Variants in CPNE4 observed in about 807,000 individuals in gnomAD.
CPNE4 encodes the protein copine-4.
A neutral mutation model predicts 67.9 loss-of-function variants in CPNE4; 25 were observed. That is an observed-to-expected ratio of 0.37 (90% CI 0.27 to 0.51). The LOEUF is 0.51. CPNE4 is among the 20% of genes least tolerant of loss of function. CPNE4 has a pLI of 0.93. For missense variants in CPNE4, 464 were observed against 690.8 expected, an observed-to-expected ratio of 0.67 and a Z score of 3.68; for synonymous variants, 242 against 244.9, an observed-to-expected ratio of 0.99 and a Z score of 0.11.
intron 2 of CPNE4, among the ~76,000 whole-genome samples, chr3:131,901,095 G>A (rs192631850): frequency 2.6e-4 from 39 of 152,158 alleles, no homozygotes; most frequent in African/African-American, 8.7e-4. Context: ...ACACACTCAC[G>A]AGCTTGATTC....
chr3:132,000,925 T>C (rs1583580772), intron 1 of CPNE4, among the ~76,000 whole-genome samples: 1 of 151,648 alleles, frequency 6.6e-6, no homozygotes, highest in African/African-American at 2.4e-5. Flanking sequence ...TCGTGTGGGC[T>C]GTGTACTAGA....
intron 7 of CPNE4, among the ~76,000 whole-genome samples, chr3:131,632,807 C>T (rs6766602): frequency 0.27 from 41,619 of 151,832 alleles, 9,399 homozygotes; most frequent in African/African-American, 0.62. Context: ...GTTAACATTT[C>T]GGTCCTATAA....
chr3:131,724,747 C>G lies in CPNE4; in HGVS notation c.181-1122G>C, dbSNP rs2081964666. Among the ~76,000 whole-genome samples, 4 of 152,120 alleles carry G rather than the reference C, an allele frequency of 2.6e-5. 1 individual carries two copies. Among genetic ancestry groups the G allele is most frequent in the Admixed American group, 2.0e-4 (3 of 15,256 alleles). ...TTCCTGTTGTTGCTATCTCTGATGT[C>G]TCGGATGCCTCACTTTCTTTCTTGG... On this transcript the variant is annotated intron_variant, in intron 2 of 15. Transcript: ENST00000429747.
intron 4 of CPNE4, among the ~76,000 whole-genome samples, chr3:131,698,958 A>G (rs1415372758): frequency 6.6e-6 from 1 of 151,102 alleles, no homozygotes; most frequent in Non-Finnish European, 1.5e-5. Context: ...GTTAAAAAGG[A>G]ATGTTCAAAA....
At chr3:131,752,438 C>T (rs1000215368) in intron 2 of CPNE4, among the ~76,000 whole-genome samples, 2 of 152,004 alleles carry the variant, frequency 1.3e-5, no homozygotes, top group Non-Finnish European at 2.9e-5. Context: ...TTAATGTTTG[C>T]TGGTTGTTGG....
At chr3:131,728,663 C>G (rs113875459) in intron 2 of CPNE4, among the ~76,000 whole-genome samples, 1,972 of 152,134 alleles carry the variant, frequency 0.013, 45 homozygotes, top group African/African-American at 0.045. Flanking sequence ...ATAATCCCAG[C>G]ACTTTGGGAG....
At chr3:131,823,848 G>A (rs930592525) in intron 2 of CPNE4, among the ~76,000 whole-genome samples, 1 of 152,150 alleles carries the variant, frequency 6.6e-6, no homozygotes, top group Non-Finnish European at 1.5e-5. Context: ...AAAAAATGGA[G>A]CTACTAGTAT....
intron 1 of CPNE4, among the ~76,000 whole-genome samples, chr3:132,025,728 G>C (rs1348587235): frequency 1.3e-5 from 2 of 152,144 alleles, no homozygotes; most frequent in Admixed American, 1.3e-4. Context: ...CTATAACATA[G>C]ACACAATCAT....
At chr3:131,816,926 C>A (rs911399185) in intron 2 of CPNE4, among the ~76,000 whole-genome samples, 9 of 152,296 alleles carry the variant, frequency 5.9e-5, no homozygotes, top group African/African-American at 2.2e-4. Context: ...ACTGCACCCA[C>A]TTAAAGTGTA....
At chr3:131,853,376 T>C (rs915174292) in intron 2 of CPNE4, among the ~76,000 whole-genome samples, 7 of 151,842 alleles carry the variant, frequency 4.6e-5, no homozygotes, top group African/African-American at 1.4e-4. Context: ...TACTTGTGTG[T>C]GTGTGTGTAT....
intron 1 of CPNE4, among the ~76,000 whole-genome samples, chr3:131,983,892 A>T (rs1456886418): frequency 1.3e-5 from 2 of 152,160 alleles, no homozygotes; most frequent in Non-Finnish European, 2.9e-5. Context: ...GCCCCAAGAG[A>T]GTCACTGTGT....
intron 1 of CPNE4, among the ~76,000 whole-genome samples, chr3:131,997,701 T>C (rs1364870125): frequency 6.6e-6 from 1 of 152,054 alleles, no homozygotes; most frequent in Non-Finnish European, 1.5e-5. Flanking sequence ...TTTTTATAGG[T>C]ATGGGAAAGA....
At chr3:131,861,448 G>A (rs1225250577) in intron 2 of CPNE4, among the ~76,000 whole-genome samples, 1 of 128,524 alleles carries the variant, frequency 7.8e-6, no homozygotes, top group African/African-American at 2.9e-5. Context: ...GTGTGTGTGT[G>A]TGACGGAATT....
At chr3:131,577,755 C>G (rs750416783) in intron 9 of CPNE4, among the ~76,000 whole-genome samples, 27 of 152,044 alleles carry the variant, frequency 1.8e-4, no homozygotes, top group Non-Finnish European at 3.5e-4. Flanking sequence ...TTAAGCTACA[C>G]TGAATTTGTT....
At chr3:131,821,699 T>C (rs965055205) in intron 2 of CPNE4, among the ~76,000 whole-genome samples, 5 of 152,140 alleles carry the variant, frequency 3.3e-5, no homozygotes, top group Non-Finnish European at 5.9e-5. Context: ...AGGAGGAACA[T>C]AGCTGTGCAC....
Position 131,850,340 on chromosome 3 carries a change from G to A in CPNE4, c.180+54924C>T, listed in dbSNP as rs551495781. Among the ~76,000 whole-genome samples, 5 of 152,126 alleles carry A rather than the reference G, an allele frequency of 3.3e-5. 1 individual carries two copies. Among genetic ancestry groups the A allele is most frequent in the Admixed American group, 2.6e-4 (4 of 15,268 alleles). ...TGAAGGCATTCTGCTGTCTGTCCTC[G>A]GAGTGTATAAGAAAGCAGACAACAC... On this transcript the variant is annotated intron_variant, in intron 2 of 15. Coordinates refer to ENST00000429747, the MANE Select transcript of CPNE4 (RefSeq NM_130808.3).
At chr3:131,766,368 G>A (rs2083015744) in intron 2 of CPNE4, among the ~76,000 whole-genome samples, 1 of 152,148 alleles carries the variant, frequency 6.6e-6, no homozygotes, top group Middle Eastern at 3.4e-3. Flanking sequence ...ATTCTTCCAG[G>A]TACCAGAAGG....
At chr3:131,559,013 A>G (rs948245370) in intron 11 of CPNE4, among the ~76,000 whole-genome samples, 8 of 152,004 alleles carry the variant, frequency 5.3e-5, no homozygotes, top group African/African-American at 1.4e-4. Flanking sequence ...CTGAATCTTA[A>G]CCATCATAGT....
intron 7 of CPNE4, among the ~76,000 whole-genome samples, chr3:131,596,924 C>G (rs978441219): frequency 2.6e-5 from 4 of 152,150 alleles, no homozygotes; most frequent in Non-Finnish European, 4.4e-5. Context: ...GGGAGGAACT[C>G]TGACTGATAT....
Sources: allele counts gnomAD v4.1 joint callset (sites outside exome capture counted in the v4.1 genomes callset), GRCh38; gene constraint gnomAD v4.1.1; transcripts MANE v1.5; gene names NCBI Gene and HGNC (gene_info 2026-07-23, HGNC 2026-07-21).